Variants in ACAA1 observed in about 807,000 individuals in gnomAD.
ACAA1 encodes acetyl-CoA acyltransferase 1.
In ACAA1, 44 loss-of-function variants were observed where a neutral mutation model predicts 48.8. That is an observed-to-expected ratio of 0.90 (90% confidence interval 0.71 to 1.16). The LOEUF (loss-of-function observed/expected upper bound fraction) is 1.16. Ranked by LOEUF, ACAA1 falls within the 50% of genes most tolerant of loss-of-function variation. ACAA1 has a pLI of 0.00. For synonymous variants in ACAA1, 233 were observed against 226.5 expected (o/e 1.03, Z -0.26); for missense variants, 512 against 562.3 (o/e 0.91, Z 0.90).
chr3:38,130,418 G>C (rs550059858), intron 5 of ACAA1, among the ~76,000 whole-genome samples: 3 of 152,344 alleles, frequency 2.0e-5, no homozygotes, highest in Admixed American at 6.5e-5. Flanking sequence ...GAGGTCTAGA[G>C]AGACTGTATA....
chr3:38,132,045 C>A, intron 3 of ACAA1, 40 bp from the exon 4 acceptor site: 1 of 1,560,794 alleles, frequency 6.4e-7, no homozygotes, highest in South Asian at 1.1e-5. Flanking sequence ...GCCCCCAATT[C>A]CATGCCAGGC....
intron 3 of ACAA1, 88 bp from the exon 4 acceptor site, chr3:38,132,093 C>T: frequency 3.2e-6 from 4 of 1,232,316 alleles, no homozygotes; most frequent in Admixed American, 1.9e-5. Context: ...AACTGCCCCC[C>T]TCAAGGGATG....
chr3:38,126,658 A>G lies in ACAA1; in HGVS notation c.669T>C (p.Ile223=), dbSNP rs555852609. The G allele has an allele frequency of 1.2e-3, 1,946 of 1,614,110 alleles. 36 individuals carry two copies. In the South Asian group the frequency reaches 0.02, roughly 17 times the overall value. The change falls in exon 8 of 12, where the codon ATT becomes ATC. Residue 223 remains isoleucine, a synonymous_variant. Transcript: ENST00000333167. This position sits in a 1 kb window ranked among gnomAD's most constrained non-coding sequence, Gnocchi z 4.7. ...AQSKGCFQAE[I]VPVTTTVHDD... ...CATGGACCGTGGTGGTCACAGGCAC[A>G]ATCTCAGCTTGGAAACAGCCCTTGC...
intron 2 of ACAA1, among the ~76,000 whole-genome samples, chr3:38,136,299 C>CA (rs1488500934): frequency 6.6e-6 from 1 of 152,026 alleles, no homozygotes; most frequent in Admixed American, 6.5e-5. Flanking sequence ...CACACTGCCG[C>CA]ACTCCCCTTG....
rs1386478780 is a variant in ACAA1, at chr3:38,123,250, G to A, written c.1200-128C>T. 5 of 840,944 alleles carry A rather than the reference G, an allele frequency of 5.9e-6. No individual in the cohort carries two copies. In the Admixed American group the frequency reaches 1.0e-4, roughly 17 times the overall value. 52.1% of individuals were successfully genotyped at this position (840,944 alleles called of 1,614,324 possible). ...ATCAGACCAGATCTGTGGGCAAGCG[G>A]TACCCTGGCCTCCCACTTGGGCACA... On this transcript the variant is annotated intron_variant, in intron 11 of 11. Transcript: ENST00000333167.
chr3:38,133,551 G>A (rs1389479757), intron 3 of ACAA1: 1 of 194,416 alleles, frequency 5.1e-6, no homozygotes, highest in Non-Finnish European at 1.1e-5. Flanking sequence ...CTTCCCCATG[G>A]TTCTGCCCTA....
chr3:38,127,632 T>C, intron 7 of ACAA1, 154 bp downstream of exon 7: 2 of 694,294 alleles, frequency 2.9e-6, no homozygotes, highest in East Asian at 2.7e-5. Context: ...GCCCTGACAC[T>C]TCCTACTTCC....
intron 2 of ACAA1, chr3:38,134,506 T>C (rs966508880): frequency 2.2e-6 from 1 of 457,228 alleles, no homozygotes; most frequent in African/African-American, 2.0e-5. Context: ...ATCAGATTGT[T>C]ACCGTGTGTA....
rs760218287 is a variant in ACAA1, at chr3:38,129,358, C to T, written c.477G>A (p.Gly159=). The change falls in exon 6 of 12, where the codon GGG becomes GGA. Residue 159 remains glycine (G), a synonymous_variant. Transcript: ENST00000333167. The surrounding 1 kb of genome is among the most constrained non-coding windows in gnomAD (Gnocchi z 5.3). ...GVESMSLADR[G]NPGNITSRLM... ...AGCGCGAAGTAATATTTCCAGGGTTCCCTCTGTCAGCCAGGGACATGGACT... is the reference window on the plus strand; with the variant it reads ...AGCGCGAAGTAATATTTCCAGGGTTTCCTCTGTCAGCCAGGGACATGGACT... The T allele has an allele frequency of 6.2e-7, 1 of 1,614,162 alleles. No homozygotes were observed. Among genetic ancestry groups the T allele is most frequent in the South Asian group, 1.1e-5 (1 of 91,080 alleles).
At chr3:38,124,104 G>C (rs138068902) in intron 11 of ACAA1, 11 of 151,984 alleles carry the variant, frequency 7.2e-5, no homozygotes, top group African/African-American at 2.7e-4. Flanking sequence ...CAATAAAATA[G>C]AAAATAATTA....
chr3:38,129,530 AGGGCACTT>A lies in ACAA1; in HGVS notation c.447-150_447-143del. 1 of 663,300 alleles carries A rather than the reference AGGGCACTT, an allele frequency of 1.5e-6. No homozygotes were observed. Among genetic ancestry groups the A allele is most frequent in the Non-Finnish European group, 2.6e-6 (1 of 389,156 alleles). The allele number at this position is 663,300 out of a possible 1,614,324, so 41.1% of individuals were successfully genotyped here. A position where few individuals can be genotyped will look rare whatever the true frequency, so the allele number is the denominator to read the frequency against. On this transcript the variant is annotated intron_variant, in intron 5 of 11. Transcript: ENST00000333167. The surrounding 1 kb of genome is among the most constrained non-coding windows in gnomAD (Gnocchi z 5.3). ...CAGTGGGCCTCTGGGAGTCACAGGC[AGGGCACTT>A]GGCCAGCAAGGCCCAGCCACGAGTA...
intron 7 of ACAA1, 84 bp downstream of exon 7, chr3:38,127,702 A>G (rs1700705830): frequency 6.9e-7 from 1 of 1,439,114 alleles, no homozygotes. Context: ...AGTAACCACG[A>G]AATGGTGCCA....
Position 38,125,598 on chromosome 3 carries a change from G to A in ACAA1, c.1166C>T (p.Thr389Met), listed in dbSNP as rs138308587. ...ACGGCGCTTCAGCTCATTGAGCAGCGTGATGACCTGTCGTGCCCCAGTGCA... is the reference window on the plus strand; with the variant it reads ...ACGGCGCTTCAGCTCATTGAGCAGCATGATGACCTGTCGTGCCCCAGTGCA... ...LGCTGARQVI[T>M]LLNELKRRGK... Residue 389 changes from threonine to methionine, a missense_variant, in exon 11 of 12, where the codon ACG becomes ATG. By Grantham distance (81) the Thr-to-Met change is moderately conservative. Transcript: ENST00000333167. The A allele has an allele frequency of 9.3e-4, 1,472 of 1,588,452 alleles. 3 individuals are homozygous for A. Among genetic ancestry groups the A allele is most frequent in the Non-Finnish European group, 1.1e-3 (1,296 of 1,166,584 alleles).
rs1700744213 is a variant in ACAA1, at chr3:38,129,498, G to C, written c.447-110C>G. Reference sequence around the variant, plus strand: ...GCTAGGAAATAGCCAGGGAGCCCTAGGAAGACCAGTGGGCCTCTGGGAGTC... The same window carrying C: ...GCTAGGAAATAGCCAGGGAGCCCTACGAAGACCAGTGGGCCTCTGGGAGTC... On this transcript the variant is annotated intron_variant, in intron 5 of 11. Coordinates refer to ENST00000333167, the MANE Select transcript of ACAA1 (RefSeq NM_001607.4). This position sits in a 1 kb window ranked among gnomAD's most constrained non-coding sequence, Gnocchi z 5.3. 7 of 856,630 alleles carry C rather than the reference G, an allele frequency of 8.2e-6. No individual in the cohort carries two copies. The highest frequency in any genetic ancestry group is 6.3e-4 in the Middle Eastern group (2 of 3,184). The allele number at this position is 856,630 out of a possible 1,614,324, so 53.1% of individuals were successfully genotyped here. A position where few individuals can be genotyped will look rare whatever the true frequency, so the allele number is the denominator to read the frequency against.
chr3:38,131,822 T>TA, intron 4 of ACAA1, 104 bp downstream of exon 4: 2 of 1,277,580 alleles, frequency 1.6e-6, no homozygotes, highest in Non-Finnish European at 2.3e-6. Context: ...TTTCTGTGGT[T>TA]AGAGTCCTCA....
intron 6 of ACAA1, among the ~76,000 whole-genome samples, chr3:38,128,291 T>G (rs1700719388): frequency 6.6e-6 from 1 of 152,158 alleles, no homozygotes; most frequent in African/African-American, 2.4e-5. Context: ...TGCTGCAATG[T>G]AGGGAGATGA....
chr3:38,133,921 C>G (rs1334908358), intron 3 of ACAA1, 31 bp downstream of exon 3: 4 of 1,613,330 alleles, frequency 2.5e-6, no homozygotes, highest in Non-Finnish European at 3.4e-6. Flanking sequence ...GTCAAAATGG[C>G]CAACCCATGG....
chr3:38,136,082 A>G (rs1240162094), intron 2 of ACAA1, among the ~76,000 whole-genome samples: 1 of 152,228 alleles, frequency 6.6e-6, no homozygotes, highest in Non-Finnish European at 1.5e-5. Context: ...CAAATGGTTA[A>G]CAAGCCACAT....
rs893112932 is a variant in ACAA1, at chr3:38,134,717, T to G, written c.266-708A>C. On this transcript the variant is annotated intron_variant, in intron 2 of 11. Coordinates refer to ENST00000333167, the MANE Select transcript of ACAA1 (RefSeq NM_001607.4). ...ATATGTTTGCAGACAGTATGCTTGGTAAAAGTCATCGTCATTCTCCATTCT... is the reference window on the plus strand; with the variant it reads ...ATATGTTTGCAGACAGTATGCTTGGGAAAAGTCATCGTCATTCTCCATTCT... Among the ~76,000 whole-genome samples the G allele has an allele frequency of 3.9e-5, 6 of 152,284 alleles. No individual in the cohort carries two copies. In the Middle Eastern group the frequency reaches 0.01, roughly 259 times the overall value.
Sources: gnomAD v4.1 joint callset for allele counts (sites outside exome capture counted in the v4.1 genomes callset) on GRCh38, gnomAD v4.1.1 for gene constraint, Gnocchi (gnomAD v3.1) non-coding constraint, MANE v1.5 for transcripts, NCBI Gene and HGNC (gene_info 2026-07-23, HGNC 2026-07-21) for gene names.